FMNL2: variants seen among roughly 807,000 people sequenced by gnomAD.
FMNL2 encodes the protein formin-like protein 2.
Under a neutral mutation model 130.2 loss-of-function variants are expected in FMNL2, and 51 were observed. The ratio of observed to expected loss-of-function variants is 0.39; its 90% confidence interval spans 0.31 to 0.49. FMNL2 has a LOEUF of 0.49. Among genes scored for constraint, FMNL2 ranks in the 20% least tolerant of loss-of-function variants. The pLI is 0.85. For synonymous variants in FMNL2, 465 were observed against 467.1 expected (o/e 1.00, Z 0.06); for missense variants, 977 against 1,316.2 (o/e 0.74, Z 3.99).
At position 152,349,095 on chromosome 2, in the gene FMNL2, A is replaced by G. The variant is rs951155321; in HGVS notation, c.117+13375A>G. Among the ~76,000 whole-genome samples, 14 of 124,948 alleles carry G rather than the reference A, an allele frequency of 1.1e-4. 2 individuals carry two copies. The highest frequency in any genetic ancestry group is 4.4e-4 in the African/African-American group (13 of 29,848). The allele number at this position is 124,948 out of a possible 152,430, so 82.0% of individuals were successfully genotyped here. A position where few individuals can be genotyped will look rare whatever the true frequency, so the allele number is the denominator to read the frequency against. ...CATGATCCACCCGCCTCGGCCTCCC[A>G]AAGTGCTGGGATTACAGGCGTGAGC... is the stretch of plus-strand genomic sequence containing the variant. On this transcript the variant is annotated intron_variant, in intron 1 of 25. Transcript: ENST00000288670.
At chr2:152,447,177 T>A (rs1257507095) in intron 1 of FMNL2, among the ~76,000 whole-genome samples, 1 of 152,108 alleles carries the variant, frequency 6.6e-6, no homozygotes. Flanking sequence ...AATAGCTCAC[T>A]GCAGCCTTGA....
chr2:152,344,166 A>G (rs909022225), intron 1 of FMNL2, among the ~76,000 whole-genome samples: 1 of 152,116 alleles, frequency 6.6e-6, no homozygotes, highest in Non-Finnish European at 1.5e-5. Context: ...AAAAACAAAA[A>G]CAAAAACAGA....
chr2:152,479,975 C>T (rs1044981389), intron 1 of FMNL2, among the ~76,000 whole-genome samples: 3 of 152,096 alleles, frequency 2.0e-5, no homozygotes, highest in African/African-American at 7.2e-5. Flanking sequence ...TGGCCTTGGC[C>T]TATAACTCGT....
chr2:152,554,964 A>G (rs532172914), intron 4 of FMNL2, among the ~76,000 whole-genome samples: 2 of 152,320 alleles, frequency 1.3e-5, no homozygotes, highest in African/African-American at 4.8e-5. Context: ...AATGAAAAAG[A>G]TGTGTACTAA....
intron 1 of FMNL2, among the ~76,000 whole-genome samples, chr2:152,453,041 A>C (rs1239601657): frequency 1.3e-5 from 2 of 152,088 alleles, no homozygotes; most frequent in African/African-American, 4.8e-5. Context: ...GTCTCTACTA[A>C]AAATACAAAA....
chr2:152,635,988 T>C (rs1313523268), intron 21 of FMNL2, among the ~76,000 whole-genome samples: 3 of 152,204 alleles, frequency 2.0e-5, no homozygotes, highest in Middle Eastern at 3.2e-3. Flanking sequence ...TGTGAAACCT[T>C]GTCTCTAAAA....
intron 2 of FMNL2, among the ~76,000 whole-genome samples, chr2:152,535,897 G>A (rs908264433): frequency 6.6e-6 from 1 of 152,184 alleles, no homozygotes; most frequent in African/African-American, 2.4e-5. Flanking sequence ...ATGCTCATAC[G>A]CATACTTTCT....
At chr2:152,602,743 C>A (rs1698147162) in intron 9 of FMNL2, among the ~76,000 whole-genome samples, 1 of 152,182 alleles carries the variant, frequency 6.6e-6, no homozygotes. Flanking sequence ...TGTACACGTG[C>A]AAATATGCTC....
chr2:152,380,716 A>C (rs890248870), intron 1 of FMNL2, among the ~76,000 whole-genome samples: 5 of 151,176 alleles, frequency 3.3e-5, no homozygotes, highest in African/African-American at 1.2e-4. Flanking sequence ...AGTTGAGAAA[A>C]CTCTTATTTT....
chr2:152,356,739 CTT>C (rs61078878), intron 1 of FMNL2, among the ~76,000 whole-genome samples: 10 of 145,912 alleles, frequency 6.9e-5, no homozygotes, highest in African/African-American at 2.3e-4. Context: ...CACTTTTGTG[CTT>C]TTTTTTTTTT....
intron 1 of FMNL2, among the ~76,000 whole-genome samples, chr2:152,426,418 G>T (rs1042008770): frequency 1.3e-5 from 2 of 152,220 alleles, no homozygotes; most frequent in Admixed American, 6.5e-5. Context: ...TTTATCACTT[G>T]CTTAGAGTTT....
rs1244621847 is a variant in FMNL2, at chr2:152,348,818, G to GTTT, written c.117+13123_117+13125dup. ...CCAATTGTCTTCTGTGCTTCTAAGGGTTTTTTTTTTTTTTTTTTTTTTTTT... is the reference window on the plus strand; with the variant it reads ...CCAATTGTCTTCTGTGCTTCTAAGGGTTTTTTTTTTTTTTTTTTTTTTTTTTTT... On this transcript the variant is annotated intron_variant, in intron 1 of 25. Transcript: ENST00000288670. Among the ~76,000 whole-genome samples the GTTT allele has an allele frequency of 6.5e-3, 465 of 71,860 alleles. 66 individuals are homozygous for GTTT. Among genetic ancestry groups the GTTT allele is most frequent in the Middle Eastern group, 0.013 (1 of 78 alleles). The allele number at this position is 71,860 out of a possible 152,430, so 47.1% of individuals were successfully genotyped here.
intron 1 of FMNL2, among the ~76,000 whole-genome samples, chr2:152,493,909 A>G (rs956276238): frequency 1.3e-5 from 2 of 152,260 alleles, no homozygotes; most frequent in Non-Finnish European, 1.5e-5. Flanking sequence ...GCCAGTGTTT[A>G]GGACCCTGTA....
chr2:152,375,500 A>G (rs907980831), intron 1 of FMNL2, among the ~76,000 whole-genome samples: 1 of 152,230 alleles, frequency 6.6e-6, no homozygotes, highest in Non-Finnish European at 1.5e-5. Flanking sequence ...AGGATGAAAA[A>G]ATGGTAGCAA....
At chr2:152,521,192 G>C (rs1287448857) in intron 1 of FMNL2, among the ~76,000 whole-genome samples, 5 of 152,156 alleles carry the variant, frequency 3.3e-5, no homozygotes, top group Non-Finnish European at 7.4e-5. Flanking sequence ...AAATGTGTAT[G>C]ATTGGTCATT....
At chr2:152,341,342 A>G (rs549866207) in intron 1 of FMNL2, among the ~76,000 whole-genome samples, 71 of 152,326 alleles carry the variant, frequency 4.7e-4, no homozygotes, top group Middle Eastern at 3.4e-3. Context: ...AAAAACTGTG[A>G]CAATATATTG....
chr2:152,567,299 T>A (rs1285615084), intron 6 of FMNL2, among the ~76,000 whole-genome samples: 1 of 152,200 alleles, frequency 6.6e-6, no homozygotes, highest in Non-Finnish European at 1.5e-5. Context: ...TTTCATTTGC[T>A]CCATTCAAAA....
intron 9 of FMNL2, among the ~76,000 whole-genome samples, chr2:152,595,614 C>T (rs756691200): frequency 3.4e-4 from 52 of 152,134 alleles, no homozygotes; most frequent in Non-Finnish European, 6.2e-4. Flanking sequence ...CCACCATGCC[C>T]GGCCCATGAT....
intron 1 of FMNL2, among the ~76,000 whole-genome samples, chr2:152,414,786 A>G (rs953124452): frequency 3.9e-5 from 6 of 152,148 alleles, no homozygotes; most frequent in Non-Finnish European, 8.8e-5. Flanking sequence ...TTGGATGAAG[A>G]TGATTCTTCT....
Sources: gnomAD v4.1 joint callset for allele counts (sites outside exome capture counted in the v4.1 genomes callset) on GRCh38, gnomAD v4.1.1 for gene constraint, MANE v1.5 for transcripts, NCBI Gene and HGNC (gene_info 2026-07-23, HGNC 2026-07-21) for gene names.